The following DYRK1A variants were observed in gnomAD, a reference collection of about 807,000 sequenced individuals.
DYRK1A encodes the protein dual specificity tyrosine-phosphorylation-regulated kinase 1A.
DYRK1A carries 9 observed loss-of-function variants against 79.7 expected under a neutral mutation model. That is an observed-to-expected ratio of 0.11 (90% confidence interval 0.07 to 0.20). The LOEUF (loss-of-function observed/expected upper bound fraction) is 0.20. DYRK1A is among the 10% of genes least tolerant of loss of function. The probability of loss-of-function intolerance (pLI) is 1.00; values close to 1 mark genes in which losing one functional copy is unlikely to be tolerated. For missense variants in DYRK1A, 622 were observed against 956.0 expected, an observed-to-expected ratio of 0.65 and a Z score of 4.61; for synonymous variants, 349 against 329.7, an observed-to-expected ratio of 1.06 and a Z score of -0.63.
chr21:37,454,314 T>C (rs1031040418), intron 2 of DYRK1A, among the ~76,000 whole-genome samples: 1 of 152,026 alleles, frequency 6.6e-6, no homozygotes, highest in African/African-American at 2.4e-5. Flanking sequence ...GTTGGTCTTT[T>C]AACTCCTGGG....
rs992193845 is a variant in DYRK1A, at chr21:37,511,911, G to A, written c.1645G>A (p.Val549Met). ...AMDCETHSPQ[V>M]RQQFPAPLGW... ...TCCTTTTAAAAATCTGTTCTTTCAG[G>A]TGCGTCAGCAATTTCCTGCTCCTCT... Residue 549 changes from valine to methionine, a missense_variant and splice_region_variant, in exon 12 of 12, where the codon GTG (valine) becomes ATG (methionine). Physicochemically the swap from Val to Met is conservative, Grantham distance 21. Transcript: ENST00000647188. 5 of 1,608,770 alleles carry A rather than the reference G, an allele frequency of 3.1e-6. No individual in the cohort carries two copies. In the African/African-American group the frequency reaches 6.7e-5, roughly 22 times the overall value.
chr21:37,401,842 T>C (rs1477943067), intron 1 of DYRK1A, among the ~76,000 whole-genome samples: 1 of 152,222 alleles, frequency 6.6e-6, no homozygotes, highest in Non-Finnish European at 1.5e-5. Flanking sequence ...GTTCTTTGTA[T>C]CTTTCGCAAT....
chr21:37,366,246 G>C (rs895117123), upstream of DYRK1A: 1 of 149,366 alleles, frequency 6.7e-6, no homozygotes, highest in South Asian at 2.1e-4. Flanking sequence ...CCCGAAGGCC[G>C]CGGCGCCCCT....
At chr21:37,506,816 G>A (rs1416173849) in intron 11 of DYRK1A, among the ~76,000 whole-genome samples, 2 of 152,168 alleles carry the variant, frequency 1.3e-5, no homozygotes, top group Non-Finnish European at 2.9e-5. Context: ...CGAGTTTTGC[G>A]TGATGGTGTT....
chr21:37,475,708 G>C (rs1022522147), intron 3 of DYRK1A, among the ~76,000 whole-genome samples: 8 of 152,214 alleles, frequency 5.3e-5, no homozygotes, highest in African/African-American at 1.9e-4. Context: ...GAAGTGCTAA[G>C]CACACAGCAC....
chr21:37,460,317 G>A (rs927971046), intron 2 of DYRK1A, among the ~76,000 whole-genome samples: 1 of 152,124 alleles, frequency 6.6e-6, no homozygotes, highest in Admixed American at 6.5e-5. Context: ...GTATTATTAA[G>A]TCAGGCAGCA....
At chr21:37,389,185 TTCTC>T (rs918454840) in intron 1 of DYRK1A, among the ~76,000 whole-genome samples, 14 of 151,570 alleles carry the variant, frequency 9.2e-5, no homozygotes, top group South Asian at 4.2e-4. Flanking sequence ...GGCCTTACTT[TTCTC>T]TCTCTCTCTT....
intron 2 of DYRK1A, among the ~76,000 whole-genome samples, chr21:37,461,649 A>T (rs965408066): frequency 1.3e-5 from 2 of 152,128 alleles, no homozygotes; most frequent in African/African-American, 2.4e-5. Flanking sequence ...CCGGATATAG[A>T]TTTGTAGGTT....
chr21:37,440,738 C>G (rs906670110), intron 2 of DYRK1A, among the ~76,000 whole-genome samples: 1 of 151,992 alleles, frequency 6.6e-6, no homozygotes, highest in Non-Finnish European at 1.5e-5. Flanking sequence ...TTACTTTATT[C>G]TGATTTAGTT....
chr21:37,480,952 C>T, intron 5 of DYRK1A, 126 bp downstream of exon 5: 1 of 692,408 alleles, frequency 1.4e-6, no homozygotes, highest in South Asian at 2.3e-5. Context: ...AATGGATATG[C>T]AAGTATTTGG....
At position 37,513,043 on chromosome 21, in the gene DYRK1A, G is replaced by A. The variant is rs1333134441; in HGVS notation, c.*512G>A. 1 of 159,542 alleles carries A rather than the reference G, an allele frequency of 6.3e-6. No individual in the cohort carries two copies. The highest frequency in any genetic ancestry group is 1.4e-5 in the Non-Finnish European group (1 of 72,102). The allele number at this position is 159,542 out of a possible 1,614,324, so 9.9% of individuals were successfully genotyped here. A position where few individuals can be genotyped will look rare whatever the true frequency, so the allele number is the denominator to read the frequency against. On this transcript the variant is annotated 3_prime_UTR_variant, in exon 12 of 12. Transcript: ENST00000647188. ...AGTCCTCTAAACACACTTGGGCACGGAAATGCAGTACTGTAAGGAAGAGGG... is the reference window on the plus strand; with the variant it reads ...AGTCCTCTAAACACACTTGGGCACGAAAATGCAGTACTGTAAGGAAGAGGG...
intron 6 of DYRK1A, among the ~76,000 whole-genome samples, chr21:37,489,075 T>C (rs1333850772): frequency 6.6e-6 from 1 of 152,164 alleles, no homozygotes; most frequent in Non-Finnish European, 1.5e-5. Flanking sequence ...AAAAGCAATA[T>C]TGATGTTCAC....
intron 2 of DYRK1A, among the ~76,000 whole-genome samples, chr21:37,439,230 G>T (rs1437782958): frequency 6.6e-6 from 1 of 152,122 alleles, no homozygotes; most frequent in South Asian, 2.1e-4. Flanking sequence ...CATTTCCTAT[G>T]ATGAGAGACA....
intron 1 of DYRK1A, among the ~76,000 whole-genome samples, chr21:37,384,243 C>A (rs2049715794): frequency 6.6e-6 from 1 of 152,162 alleles, no homozygotes; most frequent in African/African-American, 2.4e-5. Context: ...AGAAAGAGTT[C>A]TTATACATCT....
chr21:37,467,986 A>G (rs1264035549), intron 2 of DYRK1A, among the ~76,000 whole-genome samples: 1 of 152,180 alleles, frequency 6.6e-6, no homozygotes, highest in Non-Finnish European at 1.5e-5. Flanking sequence ...CATTGCGGAA[A>G]ATTCTGTTGG....
chr21:37,486,987 T>C (rs1317229226), intron 6 of DYRK1A: 2 of 155,482 alleles, frequency 1.3e-5, no homozygotes, highest in African/African-American at 4.8e-5. Flanking sequence ...AGTATGTTCT[T>C]AGTGGTTGTG....
intron 1 of DYRK1A, among the ~76,000 whole-genome samples, chr21:37,372,034 T>C (rs1490090367): frequency 1.3e-5 from 2 of 152,178 alleles, no homozygotes; most frequent in African/African-American, 4.8e-5. Context: ...TTGGTTCTTC[T>C]ACCAGAGCTA....
chr21:37,414,580 G>A (rs777734207), intron 1 of DYRK1A, among the ~76,000 whole-genome samples: 4 of 152,204 alleles, frequency 2.6e-5, no homozygotes, highest in Admixed American at 6.5e-5. Flanking sequence ...GAACAAGCCC[G>A]CCTTATAAAA....
chr21:37,479,767 A>C (rs1306753387), intron 4 of DYRK1A, among the ~76,000 whole-genome samples: 2 of 151,530 alleles, frequency 1.3e-5, no homozygotes, highest in Non-Finnish European at 2.9e-5. Context: ...AGCTGGGACT[A>C]CAGGTGCCCG....
Sources: allele counts gnomAD v4.1 joint callset (sites outside exome capture counted in the v4.1 genomes callset), GRCh38; gene constraint gnomAD v4.1.1; transcripts MANE v1.5; gene names NCBI Gene and HGNC (gene_info 2026-07-23, HGNC 2026-07-21).